The following SSH2 variants were observed in gnomAD, a reference collection of about 807,000 sequenced individuals.
The protein encoded by SSH2 is protein phosphatase Slingshot homolog 2.
Under a neutral mutation model 135.2 loss-of-function variants are expected in SSH2, and 37 were observed. The ratio of observed to expected loss-of-function variants is 0.27; its 90% CI spans 0.21 to 0.36. SSH2 has a LOEUF of 0.36. SSH2 is among the 10% of genes least tolerant of loss of function. SSH2 has a pLI of 1.00. For synonymous variants in SSH2, 628 were observed against 646.2 expected (o/e 0.97, Z 0.43); for missense variants, 1,408 against 1,765.3 (o/e 0.80, Z 3.63).
At chr17:29,734,549 C>T (rs2040305053) in intron 3 of SSH2, among the ~76,000 whole-genome samples, 2 of 152,190 alleles carry the variant, frequency 1.3e-5, no homozygotes, top group Admixed American at 6.5e-5. Flanking sequence ...CCTAACATCT[C>T]TTTATAATTA....
At chr17:29,885,471 T>C (rs2066220175) in intron 1 of SSH2, among the ~76,000 whole-genome samples, 1 of 151,856 alleles carries the variant, frequency 6.6e-6, no homozygotes, top group Admixed American at 6.6e-5. Flanking sequence ...TAAGGAAGTG[T>C]CTCTTGGCTG....
At chr17:29,731,773 ACAATGGGCTGGG>A (rs1310952379) in intron 3 of SSH2, among the ~76,000 whole-genome samples, 8 of 152,194 alleles carry the variant, frequency 5.3e-5, no homozygotes, top group African/African-American at 9.7e-5. Flanking sequence ...AGGTTATGTC[ACAATGGGCTGGG>A]CTTCTCTGCA....
rs1187972029 is a variant in SSH2 at position 29,627,351 on chromosome 17, A to C, written c.*3490T>G. On this transcript the variant is annotated 3_prime_UTR_variant, in exon 16 of 16. Transcript: ENST00000540801. ...AGATCACTTCAGAACTGAAATCCTCAGATGAAACAGGTGAACACTTCTGTG... is the reference window on the plus strand; with the variant it reads ...AGATCACTTCAGAACTGAAATCCTCCGATGAAACAGGTGAACACTTCTGTG... The C allele has an allele frequency of 1.3e-5, 2 of 152,638 alleles. No individual in the cohort carries two copies. The highest frequency in any genetic ancestry group is 4.8e-5 in the African/African-American group (2 of 41,440). 9.5% of individuals were successfully genotyped at this position (152,638 alleles called of 1,614,324 possible). A position where few individuals can be genotyped will look rare whatever the true frequency, so the allele number is the denominator to read the frequency against.
chr17:29,877,599 C>A (rs1249683555), intron 1 of SSH2, among the ~76,000 whole-genome samples: 1 of 152,060 alleles, frequency 6.6e-6, no homozygotes, highest in Non-Finnish European at 1.5e-5. Context: ...GAGGTCATTA[C>A]TTTAAGTGAA....
chr17:29,649,431 C>G (rs1201054458), intron 13 of SSH2, among the ~76,000 whole-genome samples: 1 of 151,812 alleles, frequency 6.6e-6, no homozygotes, highest in Non-Finnish European at 1.5e-5. Context: ...AACCCAGGCT[C>G]AAGTGCAGTG....
rs773530508 is a variant in SSH2, at chr17:29,676,926, G to T, written c.549-41C>A. 1.9e-6 allele frequency: 3 copies of T among 1,552,608 alleles called. No homozygotes were observed. The East Asian group carries it at 6.7e-5, about 35-fold the overall frequency. ...AACAAGACAAAAATCCACAAATTAG[G>T]GTAGGTTATTTGAATTGTGAGTTTT... On this transcript the variant is annotated intron_variant, in intron 7 of 15. Transcript: ENST00000540801.
intron 3 of SSH2, among the ~76,000 whole-genome samples, chr17:29,781,138 CA>C (rs2041831906): frequency 6.6e-6 from 1 of 152,070 alleles, no homozygotes; most frequent in Non-Finnish European, 1.5e-5. Context: ...AATTTAAGTA[CA>C]ATGCTCATAT....
At chr17:29,862,886 C>A (rs751861578) in intron 1 of SSH2, among the ~76,000 whole-genome samples, 2 of 152,182 alleles carry the variant, frequency 1.3e-5, no homozygotes, top group Non-Finnish European at 2.9e-5. Flanking sequence ...CCAGTCAAAT[C>A]CCAGAATTTC....
chr17:29,898,895 A>G (rs1404683392), intron 1 of SSH2, among the ~76,000 whole-genome samples: 1 of 152,212 alleles, frequency 6.6e-6, no homozygotes, highest in African/African-American at 2.4e-5. Flanking sequence ...ATACTGGCAA[A>G]CTGAATCCAG....
At chr17:29,784,753 A>G (rs1406560623) in intron 3 of SSH2, among the ~76,000 whole-genome samples, 1 of 152,138 alleles carries the variant, frequency 6.6e-6, no homozygotes, top group South Asian at 2.1e-4. Context: ...TTACCTTCTT[A>G]CTTTCCTAAA....
intron 14 of SSH2, among the ~76,000 whole-genome samples, chr17:29,641,273 G>T (rs2036149099): frequency 6.6e-6 from 1 of 152,202 alleles, no homozygotes; most frequent in African/African-American, 2.4e-5. Flanking sequence ...TCCTGAGACA[G>T]TTTATTCTAA....
chr17:29,670,274 G>C (rs2037439627), intron 9 of SSH2, among the ~76,000 whole-genome samples: 1 of 152,104 alleles, frequency 6.6e-6, no homozygotes, highest in African/African-American at 2.4e-5. Flanking sequence ...TTTTGAGCTA[G>C]ATGAGACATC....
At chr17:29,816,567 A>G (rs2042563293) in intron 2 of SSH2, among the ~76,000 whole-genome samples, 1 of 152,198 alleles carries the variant, frequency 6.6e-6, no homozygotes, top group South Asian at 2.1e-4. Context: ...GTAGGTTAGT[A>G]GATATGAAGA....
chr17:29,818,739 T>G (rs954895826), intron 2 of SSH2, among the ~76,000 whole-genome samples: 4 of 152,152 alleles, frequency 2.6e-5, no homozygotes, highest in African/African-American at 9.7e-5. Flanking sequence ...TGTCATTAGT[T>G]AAATATTTTT....
intron 2 of SSH2, among the ~76,000 whole-genome samples, chr17:29,811,631 C>G (rs962640568): frequency 1.3e-5 from 2 of 151,520 alleles, no homozygotes; most frequent in Admixed American, 1.3e-4. Flanking sequence ...TGCACTGTTG[C>G]GATCATACCT....
At chr17:29,889,816 A>C (rs957490693) in intron 1 of SSH2, among the ~76,000 whole-genome samples, 3 of 149,076 alleles carry the variant, frequency 2.0e-5, no homozygotes, top group Non-Finnish European at 4.5e-5. Flanking sequence ...AAAAAAAAAA[A>C]AAAAAAAAAA....
chr17:29,815,584 C>T (rs1167767613), intron 2 of SSH2, among the ~76,000 whole-genome samples: 1 of 152,094 alleles, frequency 6.6e-6, no homozygotes, highest in Non-Finnish European at 1.5e-5. Context: ...AATTAGATGT[C>T]TTATGAGGTA....
At chr17:29,693,905 C>T (rs568566660) in intron 5 of SSH2, among the ~76,000 whole-genome samples, 2 of 152,268 alleles carry the variant, frequency 1.3e-5, no homozygotes, top group African/African-American at 4.8e-5. Context: ...CTATAGCTGT[C>T]CCACGGCATT....
At chr17:29,688,226 C>T (rs1166559016) in intron 5 of SSH2, among the ~76,000 whole-genome samples, 1 of 151,264 alleles carries the variant, frequency 6.6e-6, no homozygotes, top group Non-Finnish European at 1.5e-5. Context: ...GGCCAGGATG[C>T]TCTCGATCTC....
Sources: gnomAD v4.1 joint callset for allele counts (sites outside exome capture counted in the v4.1 genomes callset) on GRCh38, gnomAD v4.1.1 for gene constraint, MANE v1.5 for transcripts, NCBI Gene and HGNC (gene_info 2026-07-23, HGNC 2026-07-21) for gene names.